Variants in CACNA2D3 observed in about 807,000 individuals in gnomAD.
CACNA2D3 encodes voltage-dependent calcium channel subunit alpha-2/delta-3.
Under a neutral mutation model 160.6 loss-of-function variants are expected in CACNA2D3, and 60 were observed. That is an observed-to-expected ratio of 0.37 (90% CI 0.30 to 0.46). The LOEUF is 0.46. Among genes scored for constraint, CACNA2D3 ranks in the 20% least tolerant of loss-of-function variants. CACNA2D3 has a pLI of 1.00. For missense variants in CACNA2D3, 1,205 were observed against 1,365.0 expected, an observed-to-expected ratio of 0.88 and a Z score of 1.85; for synonymous variants, 558 against 492.9, an observed-to-expected ratio of 1.13 and a Z score of -1.75.
intron 11 of CACNA2D3, among the ~76,000 whole-genome samples, chr3:54,700,433 A>G (rs964415155): frequency 1.3e-5 from 2 of 152,212 alleles, no homozygotes; most frequent in African/African-American, 2.4e-5. Context: ...TAAAAATTCA[A>G]TTCCTTAGTT....
intron 16 of CACNA2D3, among the ~76,000 whole-genome samples, chr3:54,842,664 G>A (rs541088562): frequency 5.4e-4 from 80 of 148,086 alleles, no homozygotes; most frequent in African/African-American, 1.9e-3. Flanking sequence ...ACCGTGGCAC[G>A]ATCTTGGCTC....
At chr3:54,735,701 C>T (rs1701482797) in intron 11 of CACNA2D3, among the ~76,000 whole-genome samples, 1 of 151,946 alleles carries the variant, frequency 6.6e-6, no homozygotes, top group African/African-American at 2.4e-5. Context: ...TGGATATCAT[C>T]TATATGGAGT....
intron 27 of CACNA2D3, among the ~76,000 whole-genome samples, chr3:54,901,817 C>T (rs888880547): frequency 2.0e-5 from 3 of 152,164 alleles, no homozygotes; most frequent in Admixed American, 6.5e-5. Context: ...TGCAGCCCCA[C>T]GAAGGCAGTG....
In CACNA2D3 at chr3:54,425,332, A is replaced by AAAACAAAC. The variant is rs3028872; in HGVS notation, c.381+38574_381+38581dup. On this transcript the variant is annotated intron_variant, in intron 4 of 37. Transcript: ENST00000474759. ...GGTGACAAGAGTGAAACTCCATCTC[A>AAAACAAAC]AAACAAACAAACAAACAAACAAAGA... Among the ~76,000 whole-genome samples the AAAACAAAC allele has an allele frequency of 1.2e-4, 18 of 152,174 alleles. No homozygotes were observed. The East Asian group carries it at 3.3e-3, about 28-fold the overall frequency.
At chr3:54,331,486 G>C (rs914555558) in intron 3 of CACNA2D3, among the ~76,000 whole-genome samples, 1 of 152,174 alleles carries the variant, frequency 6.6e-6, no homozygotes, top group East Asian at 1.9e-4. Flanking sequence ...GCCAGCTGGA[G>C]TCATTGCCAT....
intron 2 of CACNA2D3, among the ~76,000 whole-genome samples, chr3:54,292,269 G>A (rs758036536): frequency 3.9e-5 from 6 of 152,060 alleles, no homozygotes; most frequent in Non-Finnish European, 7.4e-5. Context: ...CTTGGATTTG[G>A]CAATGAATTC....
chr3:54,366,884 A>G (rs1474476882), intron 3 of CACNA2D3, among the ~76,000 whole-genome samples: 1 of 152,256 alleles, frequency 6.6e-6, no homozygotes, highest in African/African-American at 2.4e-5. Context: ...TAAAATTTTT[A>G]GAAATGGCTA....
At chr3:54,726,568 AT>A (rs1701281573) in intron 11 of CACNA2D3, among the ~76,000 whole-genome samples, 1 of 152,210 alleles carries the variant, frequency 6.6e-6, no homozygotes, top group African/African-American at 2.4e-5. Context: ...AAACAGAGAT[AT>A]AGACCAATGG....
chr3:54,157,627 T>A (rs1700267521), intron 2 of CACNA2D3, among the ~76,000 whole-genome samples: 1 of 151,810 alleles, frequency 6.6e-6, no homozygotes, highest in Non-Finnish European at 1.5e-5. Flanking sequence ...CTGTCTCTAC[T>A]AAAAAAATAC....
At chr3:54,500,322 G>T (rs1701267677) in intron 4 of CACNA2D3, among the ~76,000 whole-genome samples, 1 of 152,114 alleles carries the variant, frequency 6.6e-6, no homozygotes, top group Non-Finnish European at 1.5e-5. Context: ...ACAAAATATA[G>T]TTAGGTCTTG....
chr3:54,742,240 G>A (rs57293683), intron 11 of CACNA2D3, among the ~76,000 whole-genome samples: 116 of 151,994 alleles, frequency 7.6e-4, no homozygotes, highest in South Asian at 2.5e-3. Context: ...CCAACATGGC[G>A]AAACCCCATT....
intron 13 of CACNA2D3, among the ~76,000 whole-genome samples, chr3:54,767,365 A>G (rs554860072): frequency 9.2e-5 from 14 of 152,304 alleles, no homozygotes; most frequent in African/African-American, 3.4e-4. Flanking sequence ...GAGAACTGCA[A>G]ATAAATTCTA....
intron 13 of CACNA2D3, among the ~76,000 whole-genome samples, chr3:54,790,374 G>A (rs1373699430): frequency 3.3e-5 from 5 of 152,138 alleles, no homozygotes; most frequent in African/African-American, 7.2e-5. Flanking sequence ...AGTCTAACAC[G>A]TACATACTGT....
chr3:55,014,371 C>T (rs1160087662), intron 34 of CACNA2D3, among the ~76,000 whole-genome samples: 1 of 152,178 alleles, frequency 6.6e-6, no homozygotes, highest in Non-Finnish European at 1.5e-5. Flanking sequence ...CCAAACTGAG[C>T]TCAGTGATCC....
chr3:54,512,524 T>G (rs1342623264), intron 5 of CACNA2D3, among the ~76,000 whole-genome samples: 1 of 152,214 alleles, frequency 6.6e-6, no homozygotes, highest in East Asian at 1.9e-4. Context: ...GCCTTCCTTT[T>G]TCTCCTGCAC....
At chr3:54,538,033 G>A (rs540750079) in intron 5 of CACNA2D3, among the ~76,000 whole-genome samples, 1 of 152,266 alleles carries the variant, frequency 6.6e-6, no homozygotes, top group East Asian at 1.9e-4. Flanking sequence ...GCTCCACCCT[G>A]CACAGTCACG....
rs576643291 is a variant in CACNA2D3 at position 54,829,412 on chromosome 3, G to T, written c.1399-7747G>T. ...TGGTGCAAGTAGTTGGCCATTGAAA[G>T]GTTAGGTACAGAGGACTTTTTTGGC... On this transcript the variant is annotated intron_variant, in intron 14 of 37. Transcript: ENST00000474759. Among the ~76,000 whole-genome samples, 5 of 152,310 alleles carry T rather than the reference G, an allele frequency of 3.3e-5. No individual in the cohort carries two copies. The East Asian group carries it at 9.6e-4, about 29-fold the overall frequency.
intron 27 of CACNA2D3, among the ~76,000 whole-genome samples, chr3:54,948,035 C>T (rs1365151874): frequency 6.6e-6 from 1 of 152,300 alleles, no homozygotes; most frequent in Middle Eastern, 3.4e-3. Context: ...TGGCCTTTCT[C>T]CTTCAATACA....
intron 29 of CACNA2D3, among the ~76,000 whole-genome samples, chr3:54,981,200 C>G (rs1702498953): frequency 6.6e-6 from 1 of 151,994 alleles, no homozygotes; most frequent in Non-Finnish European, 1.5e-5. Context: ...TTTCTTTTTT[C>G]AGGGATGTGC....
Sources: allele counts gnomAD v4.1 joint callset (sites outside exome capture counted in the v4.1 genomes callset), GRCh38; gene constraint gnomAD v4.1.1; transcripts MANE v1.5; gene names NCBI Gene and HGNC (gene_info 2026-07-23, HGNC 2026-07-21).